The following CHERP variants were observed in gnomAD, a reference collection of about 807,000 sequenced individuals.
CHERP encodes the protein calcium homeostasis endoplasmic reticulum protein.
Under a neutral mutation model 113.8 loss-of-function variants are expected in CHERP, and 8 were observed. The observed-to-expected ratio is 0.07, with a 90% CI of 0.04 to 0.13. The LOEUF (loss-of-function observed/expected upper bound fraction) is 0.13. Ranked by LOEUF, CHERP falls within the 10% of genes least tolerant of loss-of-function variation. The pLI, the probability that CHERP is intolerant of heterozygous loss-of-function variation, is 1.00. For synonymous variants in CHERP, 559 were observed against 524.5 expected (o/e 1.07, Z -0.90); for missense variants, 884 against 1,298.2 (o/e 0.68, Z 4.90).
chr19:16,536,151 C>G (rs1353183244), intron 2 of CHERP, among the ~76,000 whole-genome samples: 1 of 152,242 alleles, frequency 6.6e-6, no homozygotes, highest in Non-Finnish European at 1.5e-5. Context: ...ACACTGCGGC[C>G]TCCCCCACAC....
In CHERP at chr19:16,528,191, C is replaced by G; in HGVS notation, c.1194G>C (p.Gln398His). 1 of 1,611,856 alleles carries G rather than the reference C, an allele frequency of 6.2e-7. No individual in the cohort carries two copies. The highest frequency in any genetic ancestry group is 1.1e-5 in the South Asian group (1 of 90,938). The change falls in exon 9 of 17, where the codon CAG (glutamine) becomes CAC (histidine). Residue 398 changes from glutamine (Q) to histidine (H), a missense_variant. Physicochemically the swap from Gln to His is conservative, Grantham distance 24. Coordinates refer to ENST00000546361, the MANE Select transcript of CHERP (RefSeq NM_006387.6). ...CCCGGGGGCCGGCAGCTGCAGGATCCTGGACCCCTCCTGGAGCTTCGTACT... is the reference window on the plus strand; with the variant it reads ...CCCGGGGGCCGGCAGCTGCAGGATCGTGGACCCCTCCTGGAGCTTCGTACT... The part of the protein sequence containing the change: ...SSEYEAPGGV[Q>H]DPAAAGPRGP...
rs1032178707 is a variant in CHERP at position 16,521,375 on chromosome 19, GAC to G, written c.2114+144_2114+145del. On this transcript the variant is annotated intron_variant, in intron 12 of 16. Transcript: ENST00000546361. The stretch of plus-strand genomic sequence containing the variant: ...AGGGCCACGTGTGTGCTGTGCCTGT[GAC>G]ACACACTTGTCACTCAGGCGGGGGG... The G allele has an allele frequency of 4.3e-5, 29 of 679,274 alleles. No homozygotes were observed. The African/African-American group carries it at 4.5e-4, about 11-fold the overall frequency. The allele number at this position is 679,274 out of a possible 1,614,324, so 42.1% of individuals were successfully genotyped here. A position where few individuals can be genotyped will look rare whatever the true frequency, so the allele number is the denominator to read the frequency against.
At chr19:16,541,714 G>C in intron 2 of CHERP, 156 bp downstream of exon 2, 1 of 798,384 alleles carries the variant, frequency 1.3e-6, no homozygotes, top group Non-Finnish European at 2.0e-6. Flanking sequence ...GCTCTGTGCA[G>C]GGCCGTGGGA....
chr19:16,541,555 C>T (rs767052984), intron 2 of CHERP: 3 of 275,646 alleles, frequency 1.1e-5, no homozygotes, highest in Non-Finnish European at 2.0e-5. Context: ...GCCTCTATCA[C>T]TTCCTCCCTA....
chr19:16,521,900 C>T (rs2085619147), intron 11 of CHERP, among the ~76,000 whole-genome samples: 1 of 152,224 alleles, frequency 6.6e-6, no homozygotes, highest in Admixed American at 6.5e-5. Context: ...TTCAGAAAAT[C>T]ACCCACAGGG....
rs1341721963 is a variant in CHERP at position 16,535,860 on chromosome 19, C to A, written c.200-224G>T. ...CAGCATTCCATCTTCGGGCCGTCCC[C>A]TCCTCGGAGAACCTAGGAAGTCCCC... On this transcript the variant is annotated intron_variant, in intron 2 of 16. Transcript: ENST00000546361. The surrounding 1 kb of genome is among the most constrained non-coding windows in gnomAD (Gnocchi z 4.3). 6.6e-6 allele frequency among the ~76,000 whole-genome samples: 1 copy of A among 152,176 alleles called. No individual in the cohort carries two copies. The highest frequency in any genetic ancestry group is 1.5e-5 in the Non-Finnish European group (1 of 68,006).
chr19:16,531,809 C>A (rs1380777453), intron 5 of CHERP, among the ~76,000 whole-genome samples: 1 of 152,028 alleles, frequency 6.6e-6, no homozygotes, highest in East Asian at 1.9e-4. Context: ...GGGACTCAGG[C>A]AGTGCTGCAT....
chr19:16,520,360 C>T lies in CHERP; in HGVS notation c.2345+4G>A, dbSNP rs1192156615. On this transcript the variant is annotated splice_donor_region_variant and intron_variant, in intron 14 of 16. Coordinates refer to ENST00000546361, the MANE Select transcript of CHERP (RefSeq NM_006387.6). The surrounding 1 kb of genome is among the most constrained non-coding windows in gnomAD (Gnocchi z 4.0). ...GGCACTGCCCTGAGGCAGCCTCTGCCTACCTAGATCTGGAGCGGGAGTAGG... is the reference window on the plus strand; with the variant it reads ...GGCACTGCCCTGAGGCAGCCTCTGCTTACCTAGATCTGGAGCGGGAGTAGG... 6.2e-7 allele frequency: 1 copy of T among 1,612,192 alleles called. No homozygotes were observed. The highest frequency in any genetic ancestry group is 2.2e-5 in the East Asian group (1 of 44,878).
intron 12 of CHERP, 116 bp downstream of exon 12, chr19:16,521,405 G>T: frequency 2.2e-6 from 2 of 919,640 alleles, no homozygotes; most frequent in Non-Finnish European, 3.2e-6. Context: ...GCGGGGGGAG[G>T]GCAGTTTCTC....
Position 16,520,531 on chromosome 19 carries a change from A to G in CHERP, c.2202-24T>C, listed in dbSNP as rs1021106725. 9 of 1,601,204 alleles carry G rather than the reference A, an allele frequency of 5.6e-6. No individual in the cohort carries two copies. Among genetic ancestry groups the G allele is most frequent in the African/African-American group, 4.0e-5 (3 of 74,744 alleles). On this transcript the variant is annotated intron_variant, in intron 13 of 16. Transcript: ENST00000546361. This position sits in a 1 kb window ranked among gnomAD's most constrained non-coding sequence, Gnocchi z 4.0. ...CGCTGTGGGGAGAGGCCTGATGATCAGGTGCCCCAGTGGATGGGCTGCACC... is the reference window on the plus strand; with the variant it reads ...CGCTGTGGGGAGAGGCCTGATGATCGGGTGCCCCAGTGGATGGGCTGCACC...
In CHERP at chr19:16,535,359, AC is replaced by A; in HGVS notation, c.384+92del. On this transcript the variant is annotated intron_variant, in intron 3 of 16. Transcript: ENST00000546361. This position sits in a 1 kb window ranked among gnomAD's most constrained non-coding sequence, Gnocchi z 4.3. ...GGGTGGCAGGGGGGGCCCTGTCCTC[AC>A]TGACACCTGTTATTCATTCTGATGA... The A allele has an allele frequency of 7.2e-7, 1 of 1,391,136 alleles. No individual in the cohort carries two copies. Among genetic ancestry groups the A allele is most frequent in the Non-Finnish European group, 9.8e-7 (1 of 1,019,660 alleles). 86.2% of individuals were successfully genotyped at this position (1,391,136 alleles called of 1,614,324 possible).
Position 16,532,947 on chromosome 19 carries a change from G to A in CHERP, c.522+64C>T, listed in dbSNP as rs1035702368. 35 of 1,546,652 alleles carry A rather than the reference G, an allele frequency of 2.3e-5. No individual in the cohort carries two copies. Among genetic ancestry groups the A allele is most frequent in the Middle Eastern group, 1.7e-4 (1 of 5,966 alleles). ...ACAGCCCTTAGCCCAGATTGGCTACGACAGGCCCTGCCTCAGGGAGGGACC... is the reference window on the plus strand; with the variant it reads ...ACAGCCCTTAGCCCAGATTGGCTACAACAGGCCCTGCCTCAGGGAGGGACC... On this transcript the variant is annotated intron_variant, in intron 4 of 16. Transcript: ENST00000546361. This position sits in a 1 kb window ranked among gnomAD's most constrained non-coding sequence, Gnocchi z 4.4.
Position 16,520,185 on chromosome 19 carries a change from C to T in CHERP, c.2426G>A (p.Arg809Lys), listed in dbSNP as rs756376407. ...GCTCCTGGACCGTGACCGGCGTCTT[C>T]TTCCTGGGGAGTACGACTTGGACCG... ...RSRSKSYSPGRRRRSRSRSPT... is the reference protein window; with the variant it reads ...RSRSKSYSPGKRRRSRSRSPT... The change falls in exon 15 of 17, where the codon AGA (arginine) becomes AAA (lysine). Residue 809 changes from arginine (R) to lysine (K), a missense_variant. Arg to Lys is a conservative substitution (Grantham distance 26, BLOSUM62 2). This residue lies in a region of CHERP where 159 missense variants were observed against 185.8 expected (regional missense o/e 0.86). Coordinates refer to ENST00000546361, the MANE Select transcript of CHERP (RefSeq NM_006387.6). This position sits in a 1 kb window ranked among gnomAD's most constrained non-coding sequence, Gnocchi z 4.0. 6.2e-7 allele frequency: 1 copy of T among 1,613,244 alleles called. No homozygotes were observed. The highest frequency in any genetic ancestry group is 1.7e-4 in the Middle Eastern group (1 of 5,936).
chr19:16,530,489 C>T lies in CHERP; in HGVS notation c.876+96G>A. ...CAGGCAGGGGACATGGGCTCTCTGG[C>T]TGCTGGGGTGGCAGCTGCTGTCCCC... On this transcript the variant is annotated intron_variant, in intron 7 of 16. Coordinates refer to ENST00000546361, the MANE Select transcript of CHERP (RefSeq NM_006387.6). This position sits in a 1 kb window ranked among gnomAD's most constrained non-coding sequence, Gnocchi z 4.1. The T allele has an allele frequency of 8.8e-7, 1 of 1,130,280 alleles. No homozygotes were observed. Among genetic ancestry groups the T allele is most frequent in the Non-Finnish European group, 1.3e-6 (1 of 749,856 alleles). 70.0% of individuals were successfully genotyped at this position (1,130,280 alleles called of 1,614,324 possible). A position where few individuals can be genotyped will look rare whatever the true frequency, so the allele number is the denominator to read the frequency against.
intron 8 of CHERP, among the ~76,000 whole-genome samples, chr19:16,529,106 C>T (rs2122264664): frequency 6.6e-6 from 1 of 152,280 alleles, no homozygotes; most frequent in Admixed American, 6.5e-5. Flanking sequence ...AAATGCAGCT[C>T]ACTGCAGCCT....
Position 16,525,390 on chromosome 19 carries a change from C to A in CHERP, c.1593G>T (p.Gln531His). The A allele has an allele frequency of 6.7e-7, 1 of 1,502,274 alleles. No individual in the cohort carries two copies. 93.1% of individuals were successfully genotyped at this position (1,502,274 alleles called of 1,614,324 possible). A position where few individuals can be genotyped will look rare whatever the true frequency, so the allele number is the denominator to read the frequency against. The change falls in exon 10 of 17, where the codon CAG becomes CAT. Residue 531 changes from glutamine to histidine, a missense_variant. Around this residue, in one of 8 missense-constraint regions of CHERP, gnomAD observed 464 missense variants for 590.1 expected, o/e 0.79. Coordinates refer to ENST00000546361, the MANE Select transcript of CHERP (RefSeq NM_006387.6). The surrounding 1 kb of genome is among the most constrained non-coding windows in gnomAD (Gnocchi z 6.5). ...GCGGAGGCTGGTTGAACTGCGGGTG[C>A]TGCTGGTGGGGCGGGAAGGGCCCCC... ...HFRGPFPPHQQHPQFNQPPHP... is the reference protein window; with the variant it reads ...HFRGPFPPHQHHPQFNQPPHP...
rs555199997 is a variant in CHERP at position 16,524,625 on chromosome 19, C to T, written c.1741+617G>A. On this transcript the variant is annotated intron_variant, in intron 10 of 16. Transcript: ENST00000546361. ...CAAAGATACTAGGCATGGTGGCTCA[C>T]ATCTGTAGACCCAGCTACTCTAGAG... 1.4e-3 allele frequency among the ~76,000 whole-genome samples: 212 copies of T among 151,782 alleles called. 1 individual carries two copies. Among genetic ancestry groups the T allele is most frequent in the Admixed American group, 2.4e-3 (37 of 15,240 alleles).
rs1568502402 is a variant in CHERP at position 16,518,622 on chromosome 19, CAA to C, written c.*535_*536del. ...CCCTGCTTCACTTCGCAAGTCAAGT[CAA>C]AGTTTTGTGTTTCTGTTTTTCAATC... On this transcript the variant is annotated 3_prime_UTR_variant, in exon 17 of 17. Coordinates refer to ENST00000546361, the MANE Select transcript of CHERP (RefSeq NM_006387.6). The C allele has an allele frequency of 6.5e-6, 1 of 154,122 alleles. No individual in the cohort carries two copies. Among genetic ancestry groups the C allele is most frequent in the African/African-American group, 2.4e-5 (1 of 41,458 alleles). 9.5% of individuals were successfully genotyped at this position (154,122 alleles called of 1,614,324 possible). A position where few individuals can be genotyped will look rare whatever the true frequency, so the allele number is the denominator to read the frequency against.
At chr19:16,521,904 C>T (rs1463094845) in intron 11 of CHERP, among the ~76,000 whole-genome samples, 2 of 152,230 alleles carry the variant, frequency 1.3e-5, no homozygotes, top group Non-Finnish European at 2.9e-5. Flanking sequence ...GAAAATCACC[C>T]ACAGGGGACA....
Sources: allele counts gnomAD v4.1 joint callset (sites outside exome capture counted in the v4.1 genomes callset), GRCh38; gene constraint gnomAD v4.1.1; regional missense constraint gnomAD v4.1.1; non-coding constraint Gnocchi (gnomAD v3.1); transcripts MANE v1.5; gene names NCBI Gene and HGNC (gene_info 2026-07-23, HGNC 2026-07-21).